Variants in UPP2 observed in about 807,000 individuals in gnomAD.
The protein encoded by UPP2 is uridine phosphorylase 2.
A neutral mutation model predicts 26.7 loss-of-function variants in UPP2; 23 were observed. The observed-to-expected ratio is 0.86, with a 90% CI of 0.62 to 1.22. The LOEUF is 1.22. Among genes scored for constraint, UPP2 ranks in the 50% most tolerant of loss-of-function variants. The pLI is 0.00. For missense variants in UPP2, 387 were observed against 396.7 expected (o/e 0.98, Z 0.21); for synonymous variants, 127 against 141.3 (o/e 0.90, Z 0.72).
chr2:158,093,729 A>G lies in UPP2; in HGVS notation c.148-8311A>G, dbSNP rs143380850. On this transcript the variant is annotated intron_variant, in intron 3 of 9. Coordinates refer to the UPP2 transcript ENST00000605860. Reference sequence around the variant, plus strand: ...TAACAACATCAGATTTATTGGCAACAATATGGGGAAATGGGGTTTATTATA... The same window carrying G: ...TAACAACATCAGATTTATTGGCAACGATATGGGGAAATGGGGTTTATTATA... Among the ~76,000 whole-genome samples the G allele has an allele frequency of 4.7e-3, 723 of 152,240 alleles. 6 individuals carry two copies. The highest frequency in any genetic ancestry group is 0.015 in the African/African-American group (633 of 41,544).
intron 3 of UPP2, among the ~76,000 whole-genome samples, chr2:158,060,050 G>A (rs565039721): frequency 2.6e-5 from 4 of 152,140 alleles, no homozygotes; most frequent in Non-Finnish European, 4.4e-5. Context: ...TTAAATGCAC[G>A]CTATTTTCAA....
At chr2:158,051,957 C>A (rs746798495) in intron 3 of UPP2, among the ~76,000 whole-genome samples, 1 of 152,150 alleles carries the variant, frequency 6.6e-6, no homozygotes, top group Non-Finnish European at 1.5e-5. Context: ...CTGGGAAATC[C>A]AATGCTGTCT....
intron 3 of UPP2, among the ~76,000 whole-genome samples, chr2:158,051,285 G>A (rs16842494): frequency 0.038 from 5,702 of 151,668 alleles, 348 homozygotes; most frequent in African/African-American, 0.13. Flanking sequence ...ATTGGGAGGA[G>A]CATTTTGCAT....
chr2:158,030,458 T>G (rs979801955), intron 3 of UPP2, among the ~76,000 whole-genome samples: 1 of 152,198 alleles, frequency 6.6e-6, no homozygotes, highest in Non-Finnish European at 1.5e-5. Context: ...TTTGAGCATA[T>G]GTTATAATCA....
chr2:158,116,594 G>A (rs551160520), intron 3 of UPP2, among the ~76,000 whole-genome samples: 26 of 152,284 alleles, frequency 1.7e-4, no homozygotes, highest in Admixed American at 1.4e-3. Context: ...GTTGAATGGG[G>A]TGCGTGTGTG....
At chr2:158,036,194 A>T (rs1299216101) in intron 3 of UPP2, among the ~76,000 whole-genome samples, 1 of 152,232 alleles carries the variant, frequency 6.6e-6, no homozygotes, top group Non-Finnish European at 1.5e-5. Context: ...ATGCTTGCTG[A>T]GTTTCTTAAG....
intron 3 of UPP2, among the ~76,000 whole-genome samples, chr2:158,062,277 C>T (rs1574269478): frequency 6.6e-6 from 1 of 152,172 alleles, no homozygotes; most frequent in Admixed American, 6.5e-5. Context: ...GCTAAGAAAA[C>T]ACATTTTAAA....
At chr2:158,022,324 T>A (rs1683764371) in intron 3 of UPP2, among the ~76,000 whole-genome samples, 1 of 151,682 alleles carries the variant, frequency 6.6e-6, no homozygotes, top group Non-Finnish European at 1.5e-5. Context: ...CTGGGCGTAG[T>A]GGCGGGCGCC....
intron 2 of UPP2, among the ~76,000 whole-genome samples, chr2:158,113,196 G>A (rs1352379800): frequency 1.3e-5 from 2 of 152,156 alleles, no homozygotes; most frequent in East Asian, 1.9e-4. Flanking sequence ...CAGTTCAAAG[G>A]AGAATTCAAA....
chr2:158,112,119 G>A (rs1342347381), intron 2 of UPP2, among the ~76,000 whole-genome samples: 2 of 152,002 alleles, frequency 1.3e-5, no homozygotes, highest in South Asian at 2.1e-4. Flanking sequence ...TAAAATCCAC[G>A]TCAAAATGCC....
At chr2:158,054,583 A>T (rs1300955560) in intron 3 of UPP2, among the ~76,000 whole-genome samples, 1 of 151,848 alleles carries the variant, frequency 6.6e-6, no homozygotes, top group Non-Finnish European at 1.5e-5. Flanking sequence ...AAAGCATGAA[A>T]ACCATCCCAA....
rs564763688 is a variant in UPP2, at chr2:158,073,413, G to C, written c.148-28627G>C. Among the ~76,000 whole-genome samples the C allele has an allele frequency of 2.6e-5, 4 of 152,270 alleles. No homozygotes were observed. The South Asian group carries it at 8.3e-4, about 32-fold the overall frequency. ...GAAGGCAGAGAAAAAGATAGGAGTA[G>C]AAAGTTTATTCAAAGGGATAATATC... is the stretch of plus-strand genomic sequence containing the variant. On this transcript the variant is annotated intron_variant, in intron 3 of 9. Coordinates refer to the UPP2 transcript ENST00000605860.
At chr2:158,068,840 C>T (rs1310831585) in intron 3 of UPP2, among the ~76,000 whole-genome samples, 10 of 74,140 alleles carry the variant, frequency 1.3e-4, no homozygotes, top group African/African-American at 5.4e-4. Flanking sequence ...TTTTTTGAGA[C>T]GGAGTCTCAC....
intron 5 of UPP2, 41 bp downstream of exon 5, chr2:158,121,659 C>T (rs764142392): frequency 1.0e-5 from 16 of 1,542,490 alleles, no homozygotes; most frequent in Non-Finnish European, 1.4e-5. Flanking sequence ...CAGAAAAATG[C>T]CAGCAACTCT....
intron 3 of UPP2, among the ~76,000 whole-genome samples, chr2:158,066,777 C>A (rs1242780746): frequency 6.6e-6 from 1 of 152,002 alleles, no homozygotes; most frequent in Non-Finnish European, 1.5e-5. Context: ...AAAGGCCTTA[C>A]AGTTCATTTA....
At chr2:158,123,977 C>T in intron 6 of UPP2, 82 bp downstream of exon 6, 2 of 1,481,364 alleles carry the variant, frequency 1.4e-6, no homozygotes, top group South Asian at 1.3e-5. Context: ...AAAAAGAGGT[C>T]CAGCTATATA....
chr2:158,115,750 G>T (rs745901892), intron 3 of UPP2, among the ~76,000 whole-genome samples: 6 of 152,206 alleles, frequency 3.9e-5, no homozygotes, highest in African/African-American at 7.2e-5. Context: ...GAAGCACACA[G>T]TGCCCTAAGA....
At chr2:158,102,351 T>C (rs1683094571) in intron 1 of UPP2, among the ~76,000 whole-genome samples, 1 of 152,076 alleles carries the variant, frequency 6.6e-6, no homozygotes, top group Non-Finnish European at 1.5e-5. Flanking sequence ...TCTAAGAAAA[T>C]GGGGCAAAAT....
At chr2:158,080,441 TCCTGTGACAGAA>T (rs752895347) in intron 3 of UPP2, among the ~76,000 whole-genome samples, 37 of 152,166 alleles carry the variant, frequency 2.4e-4, no homozygotes, top group Non-Finnish European at 3.7e-4. Context: ...AGCATCTATA[TCCTGTGACAGAA>T]TTGTGCTGTA....
Sources: allele counts gnomAD v4.1 joint callset (sites outside exome capture counted in the v4.1 genomes callset), GRCh38; gene constraint gnomAD v4.1.1; transcripts MANE v1.5; gene names NCBI Gene and HGNC (gene_info 2026-07-23, HGNC 2026-07-21).